Variants in SAV1 observed in about 807,000 individuals in gnomAD.
SAV1 encodes the protein protein salvador homolog 1.
A neutral mutation model predicts 47.3 loss-of-function variants in SAV1; 23 were observed. That is an observed-to-expected ratio of 0.49 (90% CI 0.35 to 0.69). SAV1 has a LOEUF of 0.69. SAV1 is among the 30% of genes least tolerant of loss of function. The pLI, the probability that SAV1 is intolerant of heterozygous loss-of-function variation, is 0.01. For synonymous variants in SAV1, 155 were observed against 159.2 expected (o/e 0.97, Z 0.20); for missense variants, 448 against 457.4 (o/e 0.98, Z 0.19).
chr14:50,645,691 A>G (rs1454072216), intron 2 of SAV1, among the ~76,000 whole-genome samples: 1 of 115,784 alleles, frequency 8.6e-6, no homozygotes, highest in Non-Finnish European at 2.0e-5. Context: ...AAGTGGGAAA[A>G]AGAAAATTTC....
rs370519151 is a variant in SAV1, at chr14:50,660,592, CGTGA to C, written c.535+4583_535+4586del. 1.1e-3 allele frequency among the ~76,000 whole-genome samples: 172 copies of C among 152,248 alleles called. 1 individual carries two copies. The highest frequency in any genetic ancestry group is 7.1e-3 in the South Asian group (34 of 4,818). Reference sequence around the variant, plus strand: ...TCAGGGTATTTAGGGTATCCATCACCGTGAGTATTTATCATTTCTATGTGTTGGG... The same window carrying C: ...TCAGGGTATTTAGGGTATCCATCACCGTATTTATCATTTCTATGTGTTGGG... On this transcript the variant is annotated intron_variant, in intron 2 of 4. Transcript: ENST00000324679.
At chr14:50,643,394 C>T (rs2039696344) in intron 3 of SAV1, among the ~76,000 whole-genome samples, 1 of 152,088 alleles carries the variant, frequency 6.6e-6, no homozygotes, top group African/African-American at 2.4e-5. Flanking sequence ...AAGCAAGGCA[C>T]ATCTTACGTG....
Position 50,635,267 on chromosome 14 carries a change from T to G in SAV1, c.1068A>C (p.Ala356=). The change falls in exon 5 of 5, where the codon GCA becomes GCC. Residue 356 remains alanine, a synonymous_variant. Coordinates refer to ENST00000324679, the MANE Select transcript of SAV1 (RefSeq NM_021818.4). ...ACTCTGTAAGAAGGGCTTGTCTGTA[T>G]GCTTCATACATTTTAACAATCTGCT... The part of the protein sequence containing the change: ...ELEQIVKMYE[A]YRQALLTELE... 1 of 1,614,198 alleles carries G rather than the reference T, an allele frequency of 6.2e-7. No individual in the cohort carries two copies. Among genetic ancestry groups the G allele is most frequent in the Non-Finnish European group, 8.5e-7 (1 of 1,180,018 alleles).
intron 2 of SAV1, among the ~76,000 whole-genome samples, chr14:50,658,264 C>G (rs1393480073): frequency 6.6e-6 from 1 of 152,124 alleles, no homozygotes; most frequent in Non-Finnish European, 1.5e-5. Context: ...TTTTTGTATC[C>G]TGATTTCTTT....
At position 50,635,151 on chromosome 14, in the gene SAV1, T is replaced by G. The variant is rs778939637; in HGVS notation, c.*32A>C. On this transcript the variant is annotated 3_prime_UTR_variant, in exon 5 of 5. Transcript: ENST00000324679. ...TTTATCTGTGAAAATATTTTAAAGC[T>G]CTTACAAAACTTAAATTTTTAAAAA... The G allele has an allele frequency of 6.5e-7, 1 of 1,539,062 alleles. No homozygotes were observed. Among genetic ancestry groups the G allele is most frequent in the Non-Finnish European group, 9.0e-7 (1 of 1,114,486 alleles).
chr14:50,654,680 T>C (rs1340341669), intron 2 of SAV1, among the ~76,000 whole-genome samples: 1 of 152,096 alleles, frequency 6.6e-6, no homozygotes, highest in Non-Finnish European at 1.5e-5. Flanking sequence ...CGAAACACAA[T>C]AGAGCAAAGC....
intron 2 of SAV1, among the ~76,000 whole-genome samples, chr14:50,651,191 A>G (rs1157901205): frequency 6.6e-6 from 1 of 152,144 alleles, no homozygotes; most frequent in Non-Finnish European, 1.5e-5. Context: ...GAGATAATAA[A>G]TGTTTATTGT....
In SAV1 at chr14:50,635,113, T is replaced by C; in HGVS notation, c.*70A>G. 8.9e-7 allele frequency: 1 copy of C among 1,126,666 alleles called. No homozygotes were observed. The highest frequency in any genetic ancestry group is 1.3e-6 in the Non-Finnish European group (1 of 754,958). The allele number at this position is 1,126,666 out of a possible 1,614,324, so 69.8% of individuals were successfully genotyped here. A position where few individuals can be genotyped will look rare whatever the true frequency, so the allele number is the denominator to read the frequency against. On this transcript the variant is annotated 3_prime_UTR_variant, in exon 5 of 5. Transcript: ENST00000324679. ...AAGCAGCATTTATTAACCAGAGTAC[T>C]TGTTTGCAATTTTTTATCTGTGAAA...
rs1169595680 is a variant in SAV1, at chr14:50,644,883, T to C, written c.667A>G (p.Asn223Asp). 1.9e-6 allele frequency: 3 copies of C among 1,614,110 alleles called. No homozygotes were observed. Among genetic ancestry groups the C allele is most frequent in the East Asian group, 4.5e-5 (2 of 44,864 alleles). The change falls in exon 3 of 5, where the codon AAT becomes GAT. Residue 223 changes from asparagine to aspartate, a missense_variant. By Grantham distance (23) the Asn-to-Asp change is conservative (BLOSUM62 1). Coordinates refer to ENST00000324679, the MANE Select transcript of SAV1 (RefSeq NM_021818.4). ...AGAGGATGGCTCCAGTGAGTTGTAT[T>C]TGTGTTATGATCTATATAATATTTT... ...GRKYYIDHNT[N>D]TTHWSHPLER...
At position 50,667,904 on chromosome 14, in the gene SAV1, C is replaced by A. The variant is rs1380189544; in HGVS notation, c.64G>T (p.Val22Leu). Residue 22 changes from valine to leucine, a missense_variant, in exon 1 of 5, where the codon GTG becomes TTG. Val to Leu is a conservative substitution (Grantham distance 32, BLOSUM62 1). Transcript: ENST00000324679. ...SKPAEVQGKY[V>L]KKETSPLLRN... ...AGCAGAGGCGACGTCTCCTTCTTCA[C>A]GTACTTCCCCTGCACCTCGGCCGGC... is the stretch of plus-strand genomic sequence containing the variant. 1.9e-6 allele frequency: 3 copies of A among 1,613,208 alleles called. No individual in the cohort carries two copies. The highest frequency in any genetic ancestry group is 1.1e-5 in the South Asian group (1 of 91,058).
In SAV1 at chr14:50,647,832, C is replaced by T. The variant is rs186215199; in HGVS notation, c.536-2818G>A. Among the ~76,000 whole-genome samples the T allele has an allele frequency of 2.8e-3, 419 of 152,312 alleles. 2 individuals are homozygous for T. Among genetic ancestry groups the T allele is most frequent in the Non-Finnish European group, 3.6e-3 (248 of 68,020 alleles). ...ATACAGAACAATTGGAATGCCCATA[C>T]ACTGCTGGTGTGGATGCAAAATGCT... On this transcript the variant is annotated intron_variant, in intron 2 of 4. Transcript: ENST00000324679.
At chr14:50,649,283 T>C (rs965652029) in intron 2 of SAV1, among the ~76,000 whole-genome samples, 26 of 152,228 alleles carry the variant, frequency 1.7e-4, no homozygotes, top group African/African-American at 5.3e-4. Context: ...TTTTAACTTA[T>C]GTAATTTTAG....
intron 4 of SAV1, 118 bp from the exon 5 acceptor site, chr14:50,635,502 G>C: frequency 4.8e-6 from 4 of 836,636 alleles, no homozygotes; most frequent in Non-Finnish European, 7.3e-6. Context: ...CAAACCATAA[G>C]TTTTAATTAA....
At chr14:50,639,044 G>T (rs568290613) in intron 4 of SAV1, among the ~76,000 whole-genome samples, 1 of 152,244 alleles carries the variant, frequency 6.6e-6, no homozygotes, top group Non-Finnish European at 1.5e-5. Context: ...TGGGATTACA[G>T]GCATGAGCCG....
chr14:50,652,952 A>G (rs1289145549), intron 2 of SAV1, among the ~76,000 whole-genome samples: 1 of 152,028 alleles, frequency 6.6e-6, no homozygotes, highest in East Asian at 1.9e-4. Flanking sequence ...AACTGCTTGA[A>G]CCCGGGAGGT....
intron 2 of SAV1, among the ~76,000 whole-genome samples, chr14:50,651,287 T>C (rs765382161): frequency 7.2e-5 from 11 of 152,202 alleles, no homozygotes; most frequent in Non-Finnish European, 1.2e-4. Context: ...TATGAATACA[T>C]ATTTTACATA....
At chr14:50,661,398 T>G (rs956490163) in intron 2 of SAV1, among the ~76,000 whole-genome samples, 10 of 152,250 alleles carry the variant, frequency 6.6e-5, no homozygotes, top group Non-Finnish European at 1.5e-5. Context: ...TTCAATATGT[T>G]GTCTCTTCAT....
At position 50,634,096 on chromosome 14, in the gene SAV1, G is replaced by A; in HGVS notation, c.*1087C>T. Reference sequence around the variant, plus strand: ...CATTTTTGGTAGCTTAACCCAGTCTGTCAGAAGGCAGTATGCTATGCTGTC... The same window carrying A: ...CATTTTTGGTAGCTTAACCCAGTCTATCAGAAGGCAGTATGCTATGCTGTC... On this transcript the variant is annotated 3_prime_UTR_variant, in exon 5 of 5. Transcript: ENST00000324679. The A allele has an allele frequency of 2.4e-6, 1 of 417,886 alleles. No individual in the cohort carries two copies. The highest frequency in any genetic ancestry group is 1.7e-5 in the South Asian group (1 of 58,042). The allele number at this position is 417,886 out of a possible 1,614,324, so 25.9% of individuals were successfully genotyped here. A position where few individuals can be genotyped will look rare whatever the true frequency, so the allele number is the denominator to read the frequency against.
intron 2 of SAV1, among the ~76,000 whole-genome samples, chr14:50,647,255 T>C (rs2039729930): frequency 6.6e-6 from 1 of 152,192 alleles, no homozygotes; most frequent in African/African-American, 2.4e-5. Flanking sequence ...AATTGAACTC[T>C]GTCAAGATTA....
Sources: gnomAD v4.1 joint callset for allele counts (sites outside exome capture counted in the v4.1 genomes callset) on GRCh38, gnomAD v4.1.1 for gene constraint, MANE v1.5 for transcripts, NCBI Gene and HGNC (gene_info 2026-07-23, HGNC 2026-07-21) for gene names.